Variants in SCN8A observed in about 807,000 individuals in gnomAD.
SCN8A encodes sodium channel protein type 8 subunit alpha.
A neutral mutation model predicts 184.1 loss-of-function variants in SCN8A; 30 were observed. The observed-to-expected ratio is 0.16, with a 90% CI of 0.12 to 0.22. The LOEUF is 0.22. SCN8A is among the 10% of genes least tolerant of loss of function. The pLI is 1.00. For synonymous variants in SCN8A, 852 were observed against 907.0 expected, an observed-to-expected ratio of 0.94 and a Z score of 1.09; for missense variants, 1,057 against 2,498.9, an observed-to-expected ratio of 0.42 and a Z score of 12.30.
chr12:51,795,816 G>A (rs1406065395), intron 26 of SCN8A, among the ~76,000 whole-genome samples: 3 of 151,834 alleles, frequency 2.0e-5, no homozygotes, highest in Non-Finnish European at 4.4e-5. Flanking sequence ...GAGGCAAGGC[G>A]GGCAGACAAC....
intron 6 of SCN8A, among the ~76,000 whole-genome samples, chr12:51,690,733 T>C (rs2138719765): frequency 6.6e-6 from 1 of 152,270 alleles, no homozygotes; most frequent in Non-Finnish European, 1.5e-5. Context: ...AAAGATAGAA[T>C]CCTGGAGAGG....
intron 20 of SCN8A, 113 bp downstream of exon 20, chr12:51,774,475 A>G: frequency 1.0e-6 from 1 of 979,748 alleles, no homozygotes; most frequent in Non-Finnish European, 1.5e-6. Flanking sequence ...ATCAAGATGT[A>G]GATGTAGGTG....
intron 1 of SCN8A, among the ~76,000 whole-genome samples, chr12:51,608,229 C>T (rs1939641410): frequency 6.6e-6 from 1 of 151,760 alleles, no homozygotes; most frequent in African/African-American, 2.4e-5. Context: ...TCACCATGGT[C>T]TCCATCTCCT....
At chr12:51,788,287 C>CTTTTTTT (rs66672221) in intron 22 of SCN8A, among the ~76,000 whole-genome samples, 13 of 84,006 alleles carry the variant, frequency 1.5e-4, no homozygotes, top group African/African-American at 5.0e-4. Flanking sequence ...CGCTTAACAC[C>CTTTTTTT]TTTTTTTTTT....
rs1329011214 is a variant in SCN8A at position 51,721,755 on chromosome 12, C to T, written c.1845C>T (p.Ser615=). The change falls in exon 12 of 27, where the codon AGC becomes AGT. Residue 615 remains serine, a synonymous_variant. Coordinates refer to ENST00000627620, the MANE Select transcript of SCN8A (RefSeq NM_001330260.2). ...CCCGCGAGCGCCGGAGCAGCTACAG[C>T]GGCTACAGCGGCTACAGCCAGGGCA... The part of the protein sequence containing the change: ...IRARERRSSY[S]GYSGYSQGSR... The T allele has an allele frequency of 3.1e-6, 5 of 1,607,548 alleles. No individual in the cohort carries two copies. Among genetic ancestry groups the T allele is most frequent in the Admixed American group, 1.7e-5 (1 of 59,326 alleles).
chr12:51,798,859 C>T (rs1450694880), intron 26 of SCN8A, among the ~76,000 whole-genome samples: 5 of 152,246 alleles, frequency 3.3e-5, no homozygotes, highest in African/African-American at 1.2e-4. Context: ...AATCATGCTT[C>T]TTTGAAGTCC....
chr12:51,615,102 A>G (rs1165657696), intron 1 of SCN8A, among the ~76,000 whole-genome samples: 2 of 149,002 alleles, frequency 1.3e-5, no homozygotes, highest in Non-Finnish European at 3.0e-5. Flanking sequence ...TTTGTTTTCT[A>G]TTTCCTTTTC....
rs149171763 is a variant in SCN8A, at chr12:51,594,885, AG to A, written c.-55+3527del. ...GAGCCCTTTAAGCTCTTAATTTTATAGTTCACTTGCTAGTCATTTAGGGACT... is the reference window on the plus strand; with the variant it reads ...GAGCCCTTTAAGCTCTTAATTTTATATTCACTTGCTAGTCATTTAGGGACT... On this transcript the variant is annotated intron_variant, in intron 1 of 26. Transcript: ENST00000627620. Among the ~76,000 whole-genome samples the A allele has an allele frequency of 9.7e-3, 1,481 of 152,204 alleles. 23 individuals carry two copies. Among genetic ancestry groups the A allele is most frequent in the African/African-American group, 0.034 (1,415 of 41,522 alleles).
At chr12:51,700,187 A>C (rs1312019378) in intron 7 of SCN8A, among the ~76,000 whole-genome samples, 3 of 151,992 alleles carry the variant, frequency 2.0e-5, no homozygotes, top group African/African-American at 7.2e-5. Flanking sequence ...AAAAACAAAA[A>C]AAAAAAGAGG....
At chr12:51,729,435 A>G (rs1942206948) in intron 12 of SCN8A, among the ~76,000 whole-genome samples, 1 of 151,856 alleles carries the variant, frequency 6.6e-6, no homozygotes, top group Admixed American at 6.6e-5. Flanking sequence ...ATGTATTTGT[A>G]TTTGACTGCT....
chr12:51,803,391 G>A (rs750688743), intron 26 of SCN8A, among the ~76,000 whole-genome samples: 1 of 151,882 alleles, frequency 6.6e-6, no homozygotes, highest in Non-Finnish European at 1.5e-5. Flanking sequence ...TTGAGGATGG[G>A]TCTTCCTCTG....
At chr12:51,604,683 A>G (rs1183255562) in intron 1 of SCN8A, among the ~76,000 whole-genome samples, 1 of 151,840 alleles carries the variant, frequency 6.6e-6, no homozygotes, top group Admixed American at 6.6e-5. Flanking sequence ...ATGCGCCACC[A>G]CACCTGGCTA....
At chr12:51,714,454 AAT>A (rs1941933249) in intron 11 of SCN8A, among the ~76,000 whole-genome samples, 1 of 152,182 alleles carries the variant, frequency 6.6e-6, no homozygotes, top group Non-Finnish European at 1.5e-5. Flanking sequence ...AAACTATTTA[AAT>A]ATTATGAAAC....
intron 1 of SCN8A, among the ~76,000 whole-genome samples, chr12:51,652,838 C>T (rs1940745180): frequency 6.6e-6 from 1 of 152,214 alleles, no homozygotes; most frequent in African/African-American, 2.4e-5. Context: ...ATTTACCATA[C>T]TGTACTTTGC....
At chr12:51,624,944 C>G (rs562707804) in intron 1 of SCN8A, among the ~76,000 whole-genome samples, 7 of 151,912 alleles carry the variant, frequency 4.6e-5, no homozygotes, top group Non-Finnish European at 8.8e-5. Context: ...TCCTCTACCC[C>G]CTTCAGTGAG....
rs1592380762 is a variant in SCN8A at position 51,688,944 on chromosome 12, G to C, written c.615-61G>C. On this transcript the variant is annotated intron_variant, in intron 5 of 26. Transcript: ENST00000627620. The stretch of plus-strand genomic sequence containing the variant: ...TTGTTGTGGTTTTGTTTTTTCCTTT[G>C]GTGTTTGTGTTTGTGTCTGTGTTTG... The C allele has an allele frequency of 2.5e-6, 4 of 1,575,974 alleles. No homozygotes were observed. In the East Asian group the frequency reaches 9.0e-5, roughly 35 times the overall value.
intron 21 of SCN8A, among the ~76,000 whole-genome samples, chr12:51,783,574 A>G (rs561377146): frequency 6.6e-6 from 1 of 152,354 alleles, no homozygotes; most frequent in South Asian, 2.1e-4. Flanking sequence ...CTATAGGCAA[A>G]GGAATACTTA....
At chr12:51,650,319 GCTT>G (rs1263772562) in intron 1 of SCN8A, among the ~76,000 whole-genome samples, 1 of 152,068 alleles carries the variant, frequency 6.6e-6, no homozygotes, top group Non-Finnish European at 1.5e-5. Context: ...TTCCAAAGTT[GCTT>G]CCATGTTTTC....
chr12:51,654,979 A>G (rs1301567551), intron 1 of SCN8A, among the ~76,000 whole-genome samples: 1 of 152,132 alleles, frequency 6.6e-6, no homozygotes, highest in Admixed American at 6.5e-5. Context: ...AGCTCACTGC[A>G]ACCTCCACCT....
Sources: allele counts gnomAD v4.1 joint callset (sites outside exome capture counted in the v4.1 genomes callset), GRCh38; gene constraint gnomAD v4.1.1; transcripts MANE v1.5; gene names NCBI Gene and HGNC (gene_info 2026-07-23, HGNC 2026-07-21).